MED12L: variants seen among roughly 807,000 people sequenced by gnomAD.
MED12L encodes mediator complex subunit 12L.
MED12L carries 60 observed loss-of-function variants against 281.3 expected under a neutral mutation model. The observed-to-expected ratio is 0.21, with a 90% confidence interval of 0.17 to 0.26. The LOEUF is 0.26. MED12L is among the 10% of genes least tolerant of loss of function. MED12L has a pLI of 1.00. For missense variants in MED12L, 2,146 were observed against 2,680.9 expected (o/e 0.80, Z 4.41); for synonymous variants, 974 against 987.2 (o/e 0.99, Z 0.25).
Position 151,404,220 on chromosome 3 carries a change from A to G in MED12L, c.5821-5023A>G, listed in dbSNP as rs564639694. 1.5e-4 allele frequency among the ~76,000 whole-genome samples: 23 copies of G among 152,212 alleles called. No individual in the cohort carries two copies. In the East Asian group the frequency reaches 4.2e-3, roughly 28 times the overall value. On this transcript the variant is annotated intron_variant, in intron 39 of 44. Coordinates refer to ENST00000687756, the MANE Select transcript of MED12L (RefSeq NM_001393769.1). ...TTTTGCTATCCATTTTACCACTCTT[A>G]TTTTTCTATAATATTCTGCTTTCTT...
intron 2 of MED12L, among the ~76,000 whole-genome samples, chr3:151,103,288 A>G (rs1721614390): frequency 6.6e-6 from 1 of 152,226 alleles, no homozygotes; most frequent in Non-Finnish European, 1.5e-5. Flanking sequence ...AGAGGGTGAT[A>G]TGCATTTGAA....
chr3:151,277,101 G>T (rs185511194), intron 16 of MED12L, among the ~76,000 whole-genome samples: 1 of 151,816 alleles, frequency 6.6e-6, no homozygotes, highest in Admixed American at 6.6e-5. Context: ...GTTTTACCAC[G>T]TTGGCCAGGC....
At chr3:151,107,418 G>A (rs755437941) in intron 2 of MED12L, among the ~76,000 whole-genome samples, 4 of 152,150 alleles carry the variant, frequency 2.6e-5, no homozygotes, top group Non-Finnish European at 5.9e-5. Flanking sequence ...TGAGCAGGCA[G>A]TTTGGGGTAT....
intron 16 of MED12L, among the ~76,000 whole-genome samples, chr3:151,218,737 T>C (rs1364311627): frequency 1.3e-5 from 2 of 151,304 alleles, no homozygotes; most frequent in Admixed American, 6.6e-5. Flanking sequence ...TGTGGTGGCA[T>C]ACACCTGTAA....
In MED12L at chr3:151,161,798, G is replaced by A. The variant is rs148304999; in HGVS notation, c.1107+1697G>A. 5.1e-4 allele frequency among the ~76,000 whole-genome samples: 78 copies of A among 152,278 alleles called. 1 individual carries two copies. The highest frequency in any genetic ancestry group is 1.8e-3 in the African/African-American group (74 of 41,532). ...TCCAGAGTCCACACTCAACCACTAT[G>A]CTAAACTGGGGTCTGCAGAAAGTTT... is the stretch of plus-strand genomic sequence containing the variant. On this transcript the variant is annotated intron_variant, in intron 8 of 44. Transcript: ENST00000687756.
chr3:151,150,711 A>G (rs1227580078), intron 5 of MED12L, among the ~76,000 whole-genome samples: 2 of 152,242 alleles, frequency 1.3e-5, no homozygotes, highest in Non-Finnish European at 2.9e-5. Context: ...TTCATCAATG[A>G]TCCCAGCTAG....
At chr3:151,352,749 G>C (rs1439603429) in intron 17 of MED12L, among the ~76,000 whole-genome samples, 1 of 152,048 alleles carries the variant, frequency 6.6e-6, no homozygotes, top group Non-Finnish European at 1.5e-5. Context: ...TTTTTCATTT[G>C]CCTTGACCAG....
chr3:151,173,496 CA>C (rs1721678260), intron 11 of MED12L, among the ~76,000 whole-genome samples: 1 of 152,150 alleles, frequency 6.6e-6, no homozygotes, highest in Admixed American at 6.5e-5. Flanking sequence ...TTTTCACCAA[CA>C]ATTTCCAAAT....
At chr3:151,299,996 A>C (rs995173296) in intron 16 of MED12L, 1 of 1,071,430 alleles carries the variant, frequency 9.3e-7, no homozygotes, top group African/African-American at 1.5e-5. Context: ...AAACTCCCCA[A>C]ATTCCCAAAC....
intron 32 of MED12L, among the ~76,000 whole-genome samples, chr3:151,381,290 C>T (rs762929436): frequency 6.6e-5 from 10 of 152,104 alleles, no homozygotes; most frequent in Non-Finnish European, 1.3e-4. Context: ...TGTCATTTCT[C>T]ACCTTTTGGG....
intron 16 of MED12L, among the ~76,000 whole-genome samples, chr3:151,257,967 GATAAC>G (rs1396421585): frequency 2.0e-5 from 3 of 152,158 alleles, no homozygotes; most frequent in Non-Finnish European, 1.5e-5. Flanking sequence ...TTTGTAAATA[GATAAC>G]ATAAGAAACA....
chr3:151,378,162 G>A lies in MED12L; in HGVS notation c.4467G>A (p.Gln1489=), dbSNP rs758127256. The A allele has an allele frequency of 4.4e-6, 7 of 1,606,630 alleles. No homozygotes were observed. The highest frequency in any genetic ancestry group is 5.1e-6 in the Non-Finnish European group (6 of 1,176,030). ...GSSSKKERDR[Q]KQKSMSLLSQ... ...CTTCCAAAAAGGAAAGGGACAGACAGAAACAGAAAAGGTGTGGCTGGAAGA... is the reference window on the plus strand; with the variant it reads ...CTTCCAAAAAGGAAAGGGACAGACAAAAACAGAAAAGGTGTGGCTGGAAGA... Residue 1489 remains glutamine, a synonymous_variant, in exon 31 of 45, where the codon CAG becomes CAA. Coordinates refer to ENST00000687756, the MANE Select transcript of MED12L (RefSeq NM_001393769.1).
chr3:151,193,550 A>T lies in MED12L; in HGVS notation c.2134A>T (p.Met712Leu), dbSNP rs1441346516. 1 of 1,613,982 alleles carries T rather than the reference A, an allele frequency of 6.2e-7. No individual in the cohort carries two copies. Among genetic ancestry groups the T allele is most frequent in the African/African-American group, 1.3e-5 (1 of 74,928 alleles). The change falls in exon 16 of 45, where the codon ATG becomes TTG. Residue 712 changes from methionine to leucine, a missense_variant. Coordinates refer to ENST00000687756, the MANE Select transcript of MED12L (RefSeq NM_001393769.1). ...ENANTSLGRR[M>L]SVNCEKLVKR... is the part of the protein sequence containing the mutation. Reference sequence around the variant, plus strand: ...TGCCAACACTTCGTTGGGCAGAAGAATGTCAGTTAATTGTGAGAAGTTGGT... The same window carrying T: ...TGCCAACACTTCGTTGGGCAGAAGATTGTCAGTTAATTGTGAGAAGTTGGT...
rs145947724 is a variant in MED12L, at chr3:151,196,125, C to G, written c.2250+2459C>G. The stretch of plus-strand genomic sequence containing the variant: ...ACAGCCTTTCCCTGCATTTAACATT[C>G]TACTTCCTTGGAAGAAAGAGCTTAA... On this transcript the variant is annotated intron_variant, in intron 16 of 44. Transcript: ENST00000687756. 1.6e-3 allele frequency among the ~76,000 whole-genome samples: 247 copies of G among 152,304 alleles called. 1 individual carries two copies. The highest frequency in any genetic ancestry group is 5.4e-3 in the African/African-American group (224 of 41,558).
chr3:151,312,869 G>A (rs1376054692), intron 16 of MED12L, among the ~76,000 whole-genome samples: 2 of 152,148 alleles, frequency 1.3e-5, no homozygotes, highest in Non-Finnish European at 2.9e-5. Context: ...AGATTGTTTT[G>A]AATGAAGTAT....
At chr3:151,183,152 A>G (rs1185469558) in intron 11 of MED12L, among the ~76,000 whole-genome samples, 1 of 151,978 alleles carries the variant, frequency 6.6e-6, no homozygotes, top group African/African-American at 2.4e-5. Flanking sequence ...TTTCTTTTGC[A>G]TGATAAAAGC....
intron 2 of MED12L, among the ~76,000 whole-genome samples, chr3:151,101,296 T>C (rs12634353): frequency 0.49 from 74,853 of 151,988 alleles, 20,205 homozygotes; most frequent in African/African-American, 0.73. Context: ...TTATTGTGTT[T>C]GTTGTTCTGA....
chr3:151,294,588 C>T (rs1336036692), intron 16 of MED12L: 1 of 1,614,168 alleles, frequency 6.2e-7, no homozygotes, highest in South Asian at 1.1e-5. Context: ...ATCAGAATCA[C>T]CAGCACGGCC....
chr3:151,158,777 T>A lies in MED12L; in HGVS notation c.815T>A (p.Leu272His), dbSNP rs2148948568. Residue 272 changes from leucine (L) to histidine (H), a missense_variant, in exon 7 of 45, where the codon CTC (leucine) becomes CAC (histidine). By Grantham distance (99) the Leu-to-His change is moderately conservative. Transcript: ENST00000687756. ...CCAATGGATGATGATCTTCTTAAAC[T>A]CTTGCTACCACTAATGCTGCAGGTA... ...IRPMDDDLLK[L>H]LLPLMLQYSD... 1.2e-6 allele frequency: 2 copies of A among 1,611,878 alleles called. No homozygotes were observed. The highest frequency in any genetic ancestry group is 3.3e-4 in the Middle Eastern group (2 of 6,056).
Sources: gnomAD v4.1 joint callset for allele counts (sites outside exome capture counted in the v4.1 genomes callset) on GRCh38, gnomAD v4.1.1 for gene constraint, MANE v1.5 for transcripts, NCBI Gene and HGNC (gene_info 2026-07-23, HGNC 2026-07-21) for gene names.